The following THSD7B variants were observed in gnomAD, a reference collection of about 807,000 sequenced individuals.
THSD7B encodes the protein thrombospondin type-1 domain-containing protein 7B.
THSD7B carries 138 observed loss-of-function variants against 213.6 expected under a neutral mutation model. The observed-to-expected ratio is 0.65, with a 90% CI of 0.56 to 0.74. The LOEUF is 0.74. Among genes scored for constraint, THSD7B ranks in the 30% least tolerant of loss-of-function variants. THSD7B has a pLI of 0.00. For missense variants in THSD7B, 1,931 were observed against 1,991.5 expected, an observed-to-expected ratio of 0.97 and a Z score of 0.58; for synonymous variants, 742 against 687.0, an observed-to-expected ratio of 1.08 and a Z score of -1.25.
In THSD7B at chr2:137,306,934, G is replaced by T. The variant is rs552408368; in HGVS notation, c.2500+30908G>T. Among the ~76,000 whole-genome samples, 37 of 152,166 alleles carry T rather than the reference G, an allele frequency of 2.4e-4. No individual in the cohort carries two copies. In the East Asian group the frequency reaches 6.9e-3, roughly 29 times the overall value. ...ATAACAATATTTCAGGCAAGAACCT[G>T]TTAAAAAAAATGCTCTTTGAGAACA... On this transcript the variant is annotated intron_variant, in intron 12 of 27. Coordinates refer to ENST00000409968, the MANE Select transcript of THSD7B (RefSeq NM_001316349.2).
At chr2:137,059,198 CTCT>C (rs539212850) in intron 3 of THSD7B, among the ~76,000 whole-genome samples, 3 of 152,148 alleles carry the variant, frequency 2.0e-5, no homozygotes, top group Admixed American at 6.5e-5. Context: ...CACTCTATGT[CTCT>C]TCTTATAAGG....
chr2:137,272,527 C>G lies in THSD7B; in HGVS notation c.2267-6C>G. On this transcript the variant is annotated splice_region_variant and splice_polypyrimidine_tract_variant and intron_variant, in intron 10 of 27. Coordinates refer to ENST00000409968, the MANE Select transcript of THSD7B (RefSeq NM_001316349.2). The stretch of plus-strand genomic sequence containing the variant: ...ACTATATAATTTTCTTTTTCCTTTA[C>G]TTCAGGAAATGCCACAGTAAAACAG... 6.3e-7 allele frequency: 1 copy of G among 1,598,648 alleles called. No homozygotes were observed. The highest frequency in any genetic ancestry group is 8.5e-7 in the Non-Finnish European group (1 of 1,175,424).
chr2:136,980,341 G>C (rs1240399233), intron 2 of THSD7B, among the ~76,000 whole-genome samples: 1 of 152,166 alleles, frequency 6.6e-6, no homozygotes, highest in African/African-American at 2.4e-5. Flanking sequence ...GAGCCACCAG[G>C]TGGGAAAAAT....
chr2:137,238,098 G>A (rs1681808961), intron 9 of THSD7B, among the ~76,000 whole-genome samples: 1 of 152,152 alleles, frequency 6.6e-6, no homozygotes, highest in Non-Finnish European at 1.5e-5. Context: ...AGTGATGCCA[G>A]GAAAGGGTCA....
intron 12 of THSD7B, among the ~76,000 whole-genome samples, chr2:137,400,304 T>A: frequency 6.6e-6 from 1 of 152,280 alleles, no homozygotes; most frequent in East Asian, 1.9e-4. Flanking sequence ...GTTTTTTTTT[T>A]CTTTCCATGA....
At chr2:137,485,676 A>C (rs540946493) in intron 15 of THSD7B, among the ~76,000 whole-genome samples, 1 of 152,124 alleles carries the variant, frequency 6.6e-6, no homozygotes, top group African/African-American at 2.4e-5. Context: ...CGAGAAGTGC[A>C]CCAAGACACA....
At chr2:137,515,420 C>T (rs953394613) in intron 15 of THSD7B, among the ~76,000 whole-genome samples, 2 of 152,144 alleles carry the variant, frequency 1.3e-5, no homozygotes, top group Admixed American at 6.5e-5. Flanking sequence ...AGGACCCTCC[C>T]CTAACACCCC....
intron 2 of THSD7B, among the ~76,000 whole-genome samples, chr2:136,913,498 G>C (rs897382616): frequency 5.9e-5 from 9 of 152,332 alleles, no homozygotes; most frequent in Admixed American, 2.0e-4. Context: ...CATGTCAGAG[G>C]CCTTCATGGC....
At chr2:137,561,567 TG>T (rs1189451268) in intron 15 of THSD7B, among the ~76,000 whole-genome samples, 2 of 152,174 alleles carry the variant, frequency 1.3e-5, no homozygotes, top group Non-Finnish European at 2.9e-5. Flanking sequence ...GTTCAGATGA[TG>T]AAAACATAAA....
At position 137,425,410 on chromosome 2, in the gene THSD7B, T is replaced by A. The variant is rs1687032378; in HGVS notation, c.2959+13538T>A. Among the ~76,000 whole-genome samples, 3 of 151,934 alleles carry A rather than the reference T, an allele frequency of 2.0e-5. No individual in the cohort carries two copies. In the South Asian group the frequency reaches 6.2e-4, roughly 32 times the overall value. On this transcript the variant is annotated intron_variant, in intron 14 of 27. Coordinates refer to ENST00000409968, the MANE Select transcript of THSD7B (RefSeq NM_001316349.2). ...TTTTGTAATTTTAGTAGAGGTGGGGTTTCACCATGTTGGCCAGGCTGGTCT... is the reference window on the plus strand; with the variant it reads ...TTTTGTAATTTTAGTAGAGGTGGGGATTCACCATGTTGGCCAGGCTGGTCT...
chr2:137,386,993 A>C (rs1685910469), intron 12 of THSD7B, among the ~76,000 whole-genome samples: 1 of 152,178 alleles, frequency 6.6e-6, no homozygotes, highest in African/African-American at 2.4e-5. Flanking sequence ...ATTCTTTTTC[A>C]TGCTGCTAGA....
chr2:136,940,929 A>G (rs1366414866), intron 2 of THSD7B, among the ~76,000 whole-genome samples: 1 of 150,596 alleles, frequency 6.6e-6, no homozygotes, highest in Admixed American at 6.6e-5. Flanking sequence ...ATGGGTATAC[A>G]TGTGCTATGT....
At chr2:137,189,961 A>G (rs1020588365) in intron 7 of THSD7B, among the ~76,000 whole-genome samples, 1 of 152,140 alleles carries the variant, frequency 6.6e-6, no homozygotes, top group Non-Finnish European at 1.5e-5. Context: ...GGGATTTTCA[A>G]TCATAGAAGG....
At chr2:137,524,504 T>G (rs1172274507) in intron 15 of THSD7B, among the ~76,000 whole-genome samples, 1 of 152,062 alleles carries the variant, frequency 6.6e-6, no homozygotes, top group Non-Finnish European at 1.5e-5. Flanking sequence ...ATATCTGCAT[T>G]TTTTTTATAG....
intron 7 of THSD7B, among the ~76,000 whole-genome samples, chr2:137,220,244 A>G (rs1681339113): frequency 1.0e-4 from 2 of 19,946 alleles, no homozygotes; most frequent in Admixed American, 7.8e-4. Context: ...TAGAAAATGG[A>G]AAAAAAAAAG....
intron 1 of THSD7B, among the ~76,000 whole-genome samples, chr2:136,874,082 A>G (rs1047575163): frequency 6.6e-6 from 1 of 152,220 alleles, no homozygotes; most frequent in African/African-American, 2.4e-5. Context: ...AGATGCTAAG[A>G]GAACCTACAT....
In THSD7B at chr2:137,056,927, A is replaced by C. The variant is rs1687178087; in HGVS notation, c.647A>C (p.Gln216Pro). The C allele has an allele frequency of 6.2e-7, 1 of 1,613,932 alleles. No homozygotes were observed. Among genetic ancestry groups the C allele is most frequent in the East Asian group, 2.2e-5 (1 of 44,870 alleles). ...VIAPPLFGGL[Q>P]CPNLTESRAC... ...GCTCCCCCTCTCTTTGGTGGTTTGC[A>C]ATGTCCAAATCTGACTGAGTCAAGA... Residue 216 changes from glutamine to proline, a missense_variant, in exon 3 of 28, where the codon CAA (glutamine) becomes CCA (proline). Transcript: ENST00000409968.
At chr2:137,658,813 G>C (rs1683287600) in intron 24 of THSD7B, among the ~76,000 whole-genome samples, 2 of 152,184 alleles carry the variant, frequency 1.3e-5, no homozygotes, top group Admixed American at 6.5e-5. Context: ...CTTAGGCCCA[G>C]AGCTTTTTGC....
intron 1 of THSD7B, among the ~76,000 whole-genome samples, chr2:136,843,753 CT>C (rs1162879193): frequency 6.6e-6 from 1 of 152,132 alleles, no homozygotes; most frequent in African/African-American, 2.4e-5. Flanking sequence ...TTTCTCTGTA[CT>C]GAGTAGGCAA....
Sources: allele counts gnomAD v4.1 joint callset (sites outside exome capture counted in the v4.1 genomes callset), GRCh38; gene constraint gnomAD v4.1.1; transcripts MANE v1.5; gene names NCBI Gene and HGNC (gene_info 2026-07-23, HGNC 2026-07-21).